BDKRB2: variants seen among roughly 807,000 people sequenced by gnomAD.
BDKRB2 encodes the protein B2 bradykinin receptor.
A neutral mutation model predicts 4.0 loss-of-function variants in BDKRB2; 6 were observed. The ratio of observed to expected loss-of-function variants is 1.49; its 90% CI spans 0.81 to 2.93. BDKRB2 has a LOEUF of 2.93. Ranked by LOEUF, BDKRB2 falls within the 30% of genes most tolerant of loss-of-function variation. The pLI is 0.00. For synonymous variants in BDKRB2, 225 were observed against 215.3 expected (o/e 1.05, Z -0.40); for missense variants, 478 against 520.1 (o/e 0.92, Z 0.79).
chr14:96,207,115 G>A (rs1595243924), intron 1 of BDKRB2, among the ~76,000 whole-genome samples: 2 of 152,078 alleles, frequency 1.3e-5, no homozygotes, highest in South Asian at 2.1e-4. Flanking sequence ...AATTTTGGAG[G>A]GACACAGGCA....
chr14:96,240,553 C>T lies in BDKRB2; in HGVS notation c.225C>T (p.Asn75=). The T allele has an allele frequency of 6.3e-7, 1 of 1,578,366 alleles. No homozygotes were observed. Among genetic ancestry groups the T allele is most frequent in the South Asian group, 1.2e-5 (1 of 84,468 alleles). The change falls in exon 3 of 3, where the codon AAC becomes AAT. Residue 75 remains asparagine (N), a synonymous_variant. Coordinates refer to ENST00000554311, the MANE Select transcript of BDKRB2 (RefSeq NM_001379692.1). ...TGTTCGTGCTGGCCACCCTAGAGAA[C>T]ATCTTTGTCCTCAGCGTCTTCTGCC... ...WVLFVLATLE[N]IFVLSVFCLH...
At chr14:96,213,940 C>T (rs563217019) in intron 1 of BDKRB2, among the ~76,000 whole-genome samples, 1 of 152,246 alleles carries the variant, frequency 6.6e-6, no homozygotes, top group Admixed American at 6.5e-5. Flanking sequence ...AAGCAAAGGT[C>T]GAGAGGTGGG....
chr14:96,227,573 GCACAAACACATGCATGCACA>G (rs1020066237), intron 1 of BDKRB2, among the ~76,000 whole-genome samples: 29 of 151,810 alleles, frequency 1.9e-4, no homozygotes, highest in East Asian at 1.6e-3. Context: ...ACACATGTGT[GCACAAACACATGCATGCACA>G]CACAAACACA....
At chr14:96,207,925 G>A (rs190007332) in intron 1 of BDKRB2, among the ~76,000 whole-genome samples, 8 of 152,248 alleles carry the variant, frequency 5.3e-5, no homozygotes, top group African/African-American at 1.9e-4. Flanking sequence ...CATCCATTGG[G>A]TCCAGGAATC....
At chr14:96,232,479 T>C (rs1890840423) in intron 1 of BDKRB2, among the ~76,000 whole-genome samples, 1 of 152,242 alleles carries the variant, frequency 6.6e-6, no homozygotes, top group Non-Finnish European at 1.5e-5. Flanking sequence ...CCATGTCACC[T>C]GTACAACCAT....
At chr14:96,213,830 T>C (rs1201223273) in intron 1 of BDKRB2, among the ~76,000 whole-genome samples, 10 of 150,600 alleles carry the variant, frequency 6.6e-5, no homozygotes, top group Non-Finnish European at 1.2e-4. Flanking sequence ...CACTTGACAG[T>C]TGAGGAAATG....
At chr14:96,228,197 G>A (rs1012855222) in intron 1 of BDKRB2, among the ~76,000 whole-genome samples, 19 of 152,244 alleles carry the variant, frequency 1.2e-4, no homozygotes, top group Admixed American at 1.1e-3. Flanking sequence ...AAGCAAGTGG[G>A]TGCTGGGGCC....
At position 96,231,804 on chromosome 14, in the gene BDKRB2, G is replaced by A. The variant is rs189625163; in HGVS notation, c.-39-5265G>A. Among the ~76,000 whole-genome samples the A allele has an allele frequency of 2.6e-5, 4 of 152,364 alleles. No homozygotes were observed. The East Asian group carries it at 7.7e-4, about 29-fold the overall frequency. On this transcript the variant is annotated intron_variant, in intron 1 of 2. Coordinates refer to ENST00000554311, the MANE Select transcript of BDKRB2 (RefSeq NM_001379692.1). ...AGCAAGGCAGGGTCCTCCTCTCCAA[G>A]TACAGCGAATATGGTGGGACAGATG...
chr14:96,216,715 A>AGGAAGGAGGAGGAGGAAGGAGGAGGAG lies in BDKRB2; in HGVS notation c.-40+11757_-40+11758insGAAGGAGGAGGAGGAAGGAGGAGGAGG, dbSNP rs1566688857. ...GAGGAAGGAGGAGGAAGGAGGAGGA[A>AGGAAGGAGGAGGAGGAAGGAGGAGGAG]GAGGAAGGAGGAGGAGGAAGGAGGA... is the stretch of plus-strand genomic sequence containing the variant. On this transcript the variant is annotated intron_variant, in intron 1 of 2. Transcript: ENST00000554311. Among the ~76,000 whole-genome samples, 2 of 72,394 alleles carry AGGAAGGAGGAGGAGGAAGGAGGAGGAG rather than the reference A, an allele frequency of 2.8e-5. 1 individual carries two copies. The highest frequency in any genetic ancestry group is 6.8e-5 in the Non-Finnish European group (2 of 29,574). The allele number at this position is 72,394 out of a possible 152,430, so 47.5% of individuals were successfully genotyped here.
intron 2 of BDKRB2, chr14:96,239,149 C>T (rs1885195222): frequency 2.0e-6 from 2 of 985,524 alleles, no homozygotes; most frequent in Middle Eastern, 5.2e-4. Flanking sequence ...GCCCCTTTTC[C>T]TTCTCTCACC....
At chr14:96,225,519 T>C (rs990368775) in intron 1 of BDKRB2, among the ~76,000 whole-genome samples, 2 of 151,424 alleles carry the variant, frequency 1.3e-5, no homozygotes, top group Non-Finnish European at 2.9e-5. Context: ...CTAAGCAGAG[T>C]AAAATGAAGG....
intron 1 of BDKRB2, among the ~76,000 whole-genome samples, chr14:96,219,773 G>A (rs1890512358): frequency 6.6e-6 from 1 of 152,036 alleles, no homozygotes; most frequent in Admixed American, 6.5e-5. Flanking sequence ...TTTCCATAAA[G>A]TGTGCTGACA....
chr14:96,233,060 T>C (rs1406251962), intron 1 of BDKRB2, among the ~76,000 whole-genome samples: 2 of 151,850 alleles, frequency 1.3e-5, no homozygotes, highest in Non-Finnish European at 2.9e-5. Flanking sequence ...AGAGTCTCGC[T>C]CTATAGCCCA....
chr14:96,215,667 A>G (rs1458220523), intron 1 of BDKRB2, among the ~76,000 whole-genome samples: 6 of 152,106 alleles, frequency 3.9e-5, no homozygotes, highest in Non-Finnish European at 8.8e-5. Flanking sequence ...TGCAAACTAG[A>G]TTATTTTTAT....
chr14:96,208,400 C>A (rs925334841), intron 1 of BDKRB2, among the ~76,000 whole-genome samples: 1 of 152,164 alleles, frequency 6.6e-6, no homozygotes, highest in Non-Finnish European at 1.5e-5. Context: ...GCAGAAAGCA[C>A]GGTGGAACAA....
At chr14:96,230,111 GC>G (rs1409296094) in intron 1 of BDKRB2, among the ~76,000 whole-genome samples, 1 of 151,846 alleles carries the variant, frequency 6.6e-6, no homozygotes, top group Non-Finnish European at 1.5e-5. Context: ...TCCAGCCTGG[GC>G]TACAGAGCGA....
intron 1 of BDKRB2, among the ~76,000 whole-genome samples, chr14:96,216,307 G>A (rs900271912): frequency 6.6e-6 from 1 of 151,980 alleles, no homozygotes; most frequent in African/African-American, 2.4e-5. Flanking sequence ...ATATAACAGG[G>A]AACAGAACTC....
At position 96,205,829 on chromosome 14, in the gene BDKRB2, C is replaced by T. The variant is rs569666249; in HGVS notation, c.-40+870C>T. On this transcript the variant is annotated intron_variant, in intron 1 of 2. Coordinates refer to ENST00000554311, the MANE Select transcript of BDKRB2 (RefSeq NM_001379692.1). ...CACTAAATAAATGGCAGCCGTGATT[C>T]GAGTTGCTGAGAGTAGGTCGTTTCC... 7.2e-5 allele frequency among the ~76,000 whole-genome samples: 11 copies of T among 152,330 alleles called. No individual in the cohort carries two copies. In the East Asian group the frequency reaches 1.7e-3, roughly 24 times the overall value.
chr14:96,237,678 G>A (rs1440906839), intron 2 of BDKRB2: 2 of 1,287,416 alleles, frequency 1.6e-6, no homozygotes, highest in Non-Finnish European at 2.0e-6. Flanking sequence ...AAGAAACAAG[G>A]CTGAGGGGTC....
Sources: allele counts gnomAD v4.1 joint callset (sites outside exome capture counted in the v4.1 genomes callset), GRCh38; gene constraint gnomAD v4.1.1; transcripts MANE v1.5; gene names NCBI Gene and HGNC (gene_info 2026-07-23, HGNC 2026-07-21).